Variants in SLX9 observed in about 807,000 individuals in gnomAD.
SLX9 encodes the protein SLX9 ribosome biogenesis factor, also known as ribosome biogenesis protein SLX9 homolog.
Under a neutral mutation model 20.8 loss-of-function variants are expected in SLX9, and 19 were observed. The ratio of observed to expected loss-of-function variants is 0.91; its 90% CI spans 0.64 to 1.34. The LOEUF is 1.34. Ranked by LOEUF, SLX9 falls within the 40% of genes most tolerant of loss-of-function variation. The pLI is 0.00. For missense variants in SLX9, 299 were observed against 322.2 expected (o/e 0.93, Z 0.55); for synonymous variants, 113 against 137.1 (o/e 0.82, Z 1.23).
At chr21:44,959,333 G>A in intron 2 of SLX9, 1 of 917,630 alleles carries the variant, frequency 1.1e-6, no homozygotes, top group Non-Finnish European at 1.3e-6. Context: ...CGGGAAATCA[G>A]TTAAGGCCGA....
At chr21:44,949,798 G>A (rs2084720383) in intron 2 of SLX9, among the ~76,000 whole-genome samples, 1 of 152,142 alleles carries the variant, frequency 6.6e-6, no homozygotes, top group South Asian at 2.1e-4. Flanking sequence ...TGGCTCTCCC[G>A]GTCAGCACAG....
At chr21:44,966,938 CG>C in intron 3 of SLX9, 95 bp from the exon 4 acceptor site, 2 of 1,485,230 alleles carry the variant, frequency 1.3e-6, no homozygotes, top group Non-Finnish European at 1.8e-6. Flanking sequence ...GCAGCAGGGC[CG>C]GGCACCCTGC....
intron 5 of SLX9, among the ~76,000 whole-genome samples, chr21:44,976,453 G>T (rs1009547838): frequency 6.6e-6 from 1 of 152,212 alleles, no homozygotes; most frequent in African/African-American, 2.4e-5. Flanking sequence ...ACACCTCAAC[G>T]GCAGACCCCA....
chr21:44,956,337 G>A (rs560190256), intron 2 of SLX9, among the ~76,000 whole-genome samples: 54 of 152,288 alleles, frequency 3.5e-4, no homozygotes, highest in African/African-American at 1.2e-3. Flanking sequence ...CCTTTTTAAT[G>A]TATTTAATCC....
intron 2 of SLX9, among the ~76,000 whole-genome samples, chr21:44,954,933 G>A (rs2084827091): frequency 6.6e-6 from 1 of 152,164 alleles, no homozygotes; most frequent in Non-Finnish European, 1.5e-5. Context: ...GAAGGAAGAG[G>A]CCGGGGACGG....
chr21:44,946,723 C>T (rs1025021982), intron 2 of SLX9, among the ~76,000 whole-genome samples: 6 of 152,234 alleles, frequency 3.9e-5, no homozygotes, highest in Middle Eastern at 3.2e-3. Context: ...CTCTGGCCAG[C>T]CGTCTCTGGC....
chr21:44,969,215 A>G (rs751568720), intron 4 of SLX9: 2 of 469,914 alleles, frequency 4.3e-6, no homozygotes, highest in South Asian at 3.1e-5. Context: ...AGGCAGCTCC[A>G]GGCTGGCATC....
At chr21:44,944,852 C>T (rs1471158504) in intron 2 of SLX9, among the ~76,000 whole-genome samples, 4 of 152,208 alleles carry the variant, frequency 2.6e-5, no homozygotes, top group African/African-American at 4.8e-5. Context: ...GACACTTGAT[C>T]GCTCTGGGCC....
intron 5 of SLX9, among the ~76,000 whole-genome samples, chr21:44,975,720 G>A (rs1228793273): frequency 6.6e-6 from 1 of 152,236 alleles, no homozygotes; most frequent in Non-Finnish European, 1.5e-5. Context: ...CTGACTTTAC[G>A]GGGACAGCCC....
At chr21:44,939,959 G>A, upstream of SLX9, 1 of 1,277,168 alleles carries the variant, frequency 7.8e-7, no homozygotes, top group African/African-American at 1.6e-5. Flanking sequence ...GCGGCCGCGG[G>A]GCTCCCGGCA....
intron 5 of SLX9, among the ~76,000 whole-genome samples, chr21:44,976,187 T>G (rs1369923754): frequency 6.6e-6 from 1 of 152,226 alleles, no homozygotes; most frequent in Non-Finnish European, 1.5e-5. Context: ...GGGTGGCGGC[T>G]GGGGTGAGCT....
At chr21:44,968,753 C>CA (rs2085086163) in intron 4 of SLX9, among the ~76,000 whole-genome samples, 1 of 132,948 alleles carries the variant, frequency 7.5e-6, no homozygotes, top group African/African-American at 2.9e-5. Flanking sequence ...CATCTCTGTG[C>CA]TTTTTTTTTT....
chr21:44,949,462 G>A (rs1035052658), intron 2 of SLX9, among the ~76,000 whole-genome samples: 32 of 152,236 alleles, frequency 2.1e-4, no homozygotes, highest in African/African-American at 7.2e-4. Flanking sequence ...CCACACTGCT[G>A]TCCGGGTCCC....
chr21:44,957,074 A>G (rs750753466), intron 2 of SLX9, among the ~76,000 whole-genome samples: 4 of 152,164 alleles, frequency 2.6e-5, no homozygotes, highest in African/African-American at 4.8e-5. Flanking sequence ...GTTTTTAGGC[A>G]GCCTGTACCT....
intron 4 of SLX9, among the ~76,000 whole-genome samples, chr21:44,971,336 G>A (rs559655506): frequency 2.5e-4 from 38 of 152,178 alleles, no homozygotes; most frequent in Admixed American, 2.3e-3. Flanking sequence ...GGCCCATGAC[G>A]GTAACCGCCC....
intron 2 of SLX9, among the ~76,000 whole-genome samples, chr21:44,946,116 C>T (rs749739348): frequency 6.6e-6 from 1 of 152,170 alleles, no homozygotes; most frequent in Non-Finnish European, 1.5e-5. Flanking sequence ...TTTACAATGT[C>T]AAAGATTGAT....
At chr21:44,941,247 G>C (rs2084541855) in intron 1 of SLX9, among the ~76,000 whole-genome samples, 1 of 152,178 alleles carries the variant, frequency 6.6e-6, no homozygotes, top group Admixed American at 6.5e-5. Context: ...AGCAGTTTCT[G>C]TTGCCTGGCT....
At chr21:44,944,860 G>A in intron 2 of SLX9, among the ~76,000 whole-genome samples, 1 of 152,242 alleles carries the variant, frequency 6.6e-6, no homozygotes, top group Admixed American at 6.5e-5. Flanking sequence ...ATCGCTCTGG[G>A]CCTGGGCTTT....
intron 1 of SLX9, among the ~76,000 whole-genome samples, chr21:44,941,084 C>T (rs890197891): frequency 6.6e-6 from 1 of 151,792 alleles, no homozygotes; most frequent in African/African-American, 2.4e-5. Context: ...TTCTCCTGTT[C>T]CTCCTCATTT....
Sources: allele counts gnomAD v4.1 joint callset (sites outside exome capture counted in the v4.1 genomes callset), GRCh38; gene constraint gnomAD v4.1.1; transcripts MANE v1.5; gene names NCBI Gene and HGNC (gene_info 2026-07-23, HGNC 2026-07-21).